Variants in CCSER1 observed in about 807,000 individuals in gnomAD.
The protein encoded by CCSER1 is serine-rich coiled-coil domain-containing protein 1.
A neutral mutation model predicts 82.0 loss-of-function variants in CCSER1; 41 were observed. The observed-to-expected ratio is 0.50, with a 90% CI of 0.39 to 0.65. CCSER1 has a LOEUF of 0.65. Ranked by LOEUF, CCSER1 falls within the 30% of genes least tolerant of loss-of-function variation. The probability of loss-of-function intolerance (pLI) is 0.00; values close to 1 mark genes in which losing one functional copy is unlikely to be tolerated. For missense variants in CCSER1, 1,119 were observed against 1,064.2 expected, an observed-to-expected ratio of 1.05 and a Z score of -0.72; for synonymous variants, 414 against 383.9, an observed-to-expected ratio of 1.08 and a Z score of -0.92.
At chr4:90,559,562 T>A (rs1053931317) in intron 5 of CCSER1, among the ~76,000 whole-genome samples, 5 of 152,120 alleles carry the variant, frequency 3.3e-5, no homozygotes, top group African/African-American at 1.2e-4. Flanking sequence ...GGCTCACACC[T>A]GTAGTCCCAG....
intron 1 of CCSER1, among the ~76,000 whole-genome samples, chr4:90,275,205 A>G (rs1727321645): frequency 6.6e-6 from 1 of 152,174 alleles, no homozygotes; most frequent in Non-Finnish European, 1.5e-5. Context: ...CTCGACTACT[A>G]CTTGTATTCT....
At chr4:91,048,877 T>A (rs1431856699) in intron 9 of CCSER1, among the ~76,000 whole-genome samples, 1 of 152,162 alleles carries the variant, frequency 6.6e-6, no homozygotes. Context: ...AATAATGGGC[T>A]TCCTTATGAT....
At chr4:90,668,901 G>A (rs1340097516) in intron 6 of CCSER1, among the ~76,000 whole-genome samples, 1 of 152,048 alleles carries the variant, frequency 6.6e-6, no homozygotes, top group African/African-American at 2.4e-5. Context: ...TTTAGTTTCT[G>A]CCTCCAGGTA....
intron 10 of CCSER1, among the ~76,000 whole-genome samples, chr4:91,414,405 G>A (rs981341519): frequency 2.0e-5 from 3 of 151,896 alleles, no homozygotes; most frequent in African/African-American, 4.8e-5. Flanking sequence ...AATGGTGACT[G>A]TAAGGAAAAA....
chr4:91,226,924 C>G (rs903579920), intron 10 of CCSER1, among the ~76,000 whole-genome samples: 2 of 151,732 alleles, frequency 1.3e-5, no homozygotes, highest in Non-Finnish European at 3.0e-5. Flanking sequence ...TCAGTTGCAT[C>G]ATCTGTAAAA....
chr4:90,343,471 G>T (rs1561062969), intron 3 of CCSER1, among the ~76,000 whole-genome samples: 1 of 152,088 alleles, frequency 6.6e-6, no homozygotes, highest in East Asian at 1.9e-4. Flanking sequence ...ACAAAAATTA[G>T]CTGGGTGGTA....
chr4:90,267,581 G>GGGGT (rs1286317337), intron 1 of CCSER1, among the ~76,000 whole-genome samples: 3 of 152,094 alleles, frequency 2.0e-5, no homozygotes, highest in Admixed American at 6.5e-5. Flanking sequence ...AGTCCCAGTG[G>GGGGT]GGGTGACCAC....
At chr4:90,814,262 C>A (rs1423155299) in intron 7 of CCSER1, among the ~76,000 whole-genome samples, 5 of 152,184 alleles carry the variant, frequency 3.3e-5, no homozygotes, top group Non-Finnish European at 7.3e-5. Flanking sequence ...GCCCACAAAA[C>A]CATTTTTCAC....
chr4:91,524,518 T>C (rs1299650625), intron 10 of CCSER1, among the ~76,000 whole-genome samples: 1 of 152,122 alleles, frequency 6.6e-6, no homozygotes, highest in African/African-American at 2.4e-5. Flanking sequence ...TCTCCACTGG[T>C]TTTTGTGAGT....
chr4:90,567,622 T>A (rs149422425), intron 5 of CCSER1, among the ~76,000 whole-genome samples: 1,864 of 150,568 alleles, frequency 0.012, 51 homozygotes, highest in African/African-American at 0.043. Context: ...TTTTTTTTTT[T>A]TTTGACAAGG....
intron 1 of CCSER1, among the ~76,000 whole-genome samples, chr4:90,139,178 G>A (rs1724262239): frequency 6.6e-6 from 1 of 152,168 alleles, no homozygotes; most frequent in Non-Finnish European, 1.5e-5. Flanking sequence ...GGCAAAAAGG[G>A]ACTAAGTCAT....
At chr4:90,993,744 T>G (rs1302193963) in intron 9 of CCSER1, among the ~76,000 whole-genome samples, 2 of 152,098 alleles carry the variant, frequency 1.3e-5, no homozygotes, top group African/African-American at 4.8e-5. Context: ...AATTCTGTTA[T>G]GAGAACCACA....
intron 10 of CCSER1, among the ~76,000 whole-genome samples, chr4:91,519,227 A>G (rs1760315475): frequency 6.6e-6 from 1 of 152,168 alleles, no homozygotes; most frequent in Non-Finnish European, 1.5e-5. Context: ...GGGCGGCCAC[A>G]CTGTACTGGG....
intron 3 of CCSER1, among the ~76,000 whole-genome samples, chr4:90,344,696 A>C (rs746079488): frequency 6.6e-6 from 1 of 152,112 alleles, no homozygotes; most frequent in Non-Finnish European, 1.5e-5. Context: ...AAGTTGAACT[A>C]TTATTAAGTT....
chr4:91,605,270 CTCA>C lies in CCSER1; in HGVS notation c.*6215_*6217del. On this transcript the variant is annotated 3_prime_UTR_variant, in exon 11 of 11. Coordinates refer to ENST00000509176, the MANE Select transcript of CCSER1 (RefSeq NM_001145065.2). Reference sequence around the variant, plus strand: ...ATTAGAAAAATATGCATATTTCCTGCTCATAATAAATTTTAAAACAACAAATTA... The same window carrying C: ...ATTAGAAAAATATGCATATTTCCTGCTAATAAATTTTAAAACAACAAATTA... 1 of 152,052 alleles carries C rather than the reference CTCA, an allele frequency of 6.6e-6. No individual in the cohort carries two copies. Among genetic ancestry groups the C allele is most frequent in the African/African-American group, 2.4e-5 (1 of 41,524 alleles). The allele number at this position is 152,052 out of a possible 1,614,324, so 9.4% of individuals were successfully genotyped here.
At chr4:91,579,113 TTATTA>T (rs1763601770) in intron 10 of CCSER1, among the ~76,000 whole-genome samples, 1 of 151,428 alleles carries the variant, frequency 6.6e-6, no homozygotes, top group African/African-American at 2.4e-5. Flanking sequence ...TTTACTATTA[TTATTA>T]TATTATTATT....
chr4:91,158,373 C>T (rs945413820), intron 10 of CCSER1, among the ~76,000 whole-genome samples: 4 of 151,940 alleles, frequency 2.6e-5, no homozygotes, highest in African/African-American at 9.7e-5. Context: ...AGGATTATAG[C>T]CCTGGAATCC....
At chr4:90,593,415 A>G (rs1328230206) in intron 5 of CCSER1, among the ~76,000 whole-genome samples, 1 of 152,134 alleles carries the variant, frequency 6.6e-6, no homozygotes, top group East Asian at 1.9e-4. Context: ...CACACTCCAC[A>G]GTGTGGGAGC....
In CCSER1 at chr4:90,433,184, T is replaced by C. The variant is rs371070837; in HGVS notation, c.1603+33055T>C. On this transcript the variant is annotated intron_variant, in intron 4 of 10. Coordinates refer to ENST00000509176, the MANE Select transcript of CCSER1 (RefSeq NM_001145065.2). Reference sequence around the variant, plus strand: ...AACATGTCCCAAACCAAACTCCTGATTTTTGTGCATTAGCGCCCCACATTT... The same window carrying C: ...AACATGTCCCAAACCAAACTCCTGACTTTTGTGCATTAGCGCCCCACATTT... Among the ~76,000 whole-genome samples, 26 of 152,252 alleles carry C rather than the reference T, an allele frequency of 1.7e-4. No homozygotes were observed. In the East Asian group the frequency reaches 2.7e-3, roughly 16 times the overall value.
Sources: gnomAD v4.1 joint callset for allele counts (sites outside exome capture counted in the v4.1 genomes callset) on GRCh38, gnomAD v4.1.1 for gene constraint, MANE v1.5 for transcripts, NCBI Gene and HGNC (gene_info 2026-07-23, HGNC 2026-07-21) for gene names.